Variants in ACCSL observed in about 807,000 individuals in gnomAD.
ACCSL encodes the protein 1-aminocyclopropane-1-carboxylate synthase homolog (inactive) like.
ACCSL carries 55 observed loss-of-function variants against 61.7 expected under a neutral mutation model. The observed-to-expected ratio is 0.89, with a 90% CI of 0.72 to 1.12. ACCSL has a LOEUF of 1.12. ACCSL is among the 50% of genes most tolerant of loss of function. The pLI is 0.00. For missense variants in ACCSL, 632 were observed against 698.0 expected (o/e 0.91, Z 1.07); for synonymous variants, 258 against 264.3 (o/e 0.98, Z 0.23).
chr11:43,987,437 GGGGCTGCAGGGTGGCTGACTCAGAGCCTA>G, the ACCSL span, among the ~76,000 whole-genome samples: 40 of 152,146 alleles, frequency 2.6e-4, no homozygotes, highest in Admixed American at 2.6e-3. Flanking sequence ...GGCGGGGGAC[GGGGCTGCAGGGTGGCTGACTCAGAGCCTA>G]GGGAAGCCCC....
chr11:43,976,684 A>C, the ACCSL span, among the ~76,000 whole-genome samples: 1 of 152,112 alleles, frequency 6.6e-6, no homozygotes, highest in African/African-American at 2.4e-5. Flanking sequence ...AAGGCACAGG[A>C]AGGGTCATCT....
chr11:44,012,549 C>T, the ACCSL span, among the ~76,000 whole-genome samples: 21 of 152,080 alleles, frequency 1.4e-4, no homozygotes, highest in African/African-American at 4.8e-4. Context: ...TGCCACCCAA[C>T]GTGCTGGGAT....
chr11:44,049,999 CA>C, intron 1 of ACCSL, 62 bp from the exon 2 acceptor site: 1 of 1,605,628 alleles, frequency 6.2e-7, no homozygotes, highest in Non-Finnish European at 8.5e-7. Flanking sequence ...ACTAATGTTT[CA>C]AGGGATCTAT....
upstream of ACCSL, among the ~76,000 whole-genome samples, chr11:44,046,923 A>T (rs1025527125): frequency 1.3e-5 from 2 of 152,182 alleles, no homozygotes; most frequent in Admixed American, 1.3e-4. Context: ...TGTTTTCAAA[A>T]GGAAGGTTAA....
In ACCSL at chr11:44,050,641, TAG is replaced by T. The variant is rs763313464; in HGVS notation, c.635+22_635+23del. On this transcript the variant is annotated intron_variant, in intron 3 of 13. Transcript: ENST00000378832. ...AGCCATTGTAAGTGACCTTCAGATT[TAG>T]AGTCTCTTGGTCCCACAGGCAGCTG... is the stretch of plus-strand genomic sequence containing the variant. The T allele has an allele frequency of 1.2e-5, 19 of 1,611,624 alleles. No individual in the cohort carries two copies. Among genetic ancestry groups the T allele is most frequent in the Non-Finnish European group, 1.3e-5 (15 of 1,178,160 alleles).
the ACCSL span, chr11:43,926,381 A>G: frequency 2.8e-6 from 1 of 353,436 alleles, no homozygotes; most frequent in Non-Finnish European, 5.6e-6. Context: ...AGGGTCGCCG[A>G]CCAGGCTCAG....
the ACCSL span, among the ~76,000 whole-genome samples, chr11:43,969,657 C>A: frequency 6.6e-6 from 1 of 152,060 alleles, no homozygotes; most frequent in Non-Finnish European, 1.5e-5. Flanking sequence ...CCCAGCAAGC[C>A]CTGCTGACTT....
chr11:43,968,527 A>G, the ACCSL span, among the ~76,000 whole-genome samples: 1 of 152,188 alleles, frequency 6.6e-6, no homozygotes, highest in Non-Finnish European at 1.5e-5. Flanking sequence ...ATCCAGGAAA[A>G]GAAGAAGATA....
At chr11:44,055,952 A>T in intron 9 of ACCSL, 88 bp from the exon 10 acceptor site, 1 of 1,513,190 alleles carries the variant, frequency 6.6e-7, no homozygotes, top group Non-Finnish European at 9.1e-7. Flanking sequence ...TCTAGGACCA[A>T]CCTCAAATCT....
chr11:43,978,783 G>GTTTT, the ACCSL span, among the ~76,000 whole-genome samples: 139 of 79,096 alleles, frequency 1.8e-3, 4 homozygotes, highest in Non-Finnish European at 2.0e-3. Flanking sequence ...GAGAAGGTGG[G>GTTTT]TTTTTTTTTT....
the ACCSL span, among the ~76,000 whole-genome samples, chr11:44,021,160 G>A: frequency 6.6e-6 from 1 of 152,114 alleles, no homozygotes; most frequent in Non-Finnish European, 1.5e-5. Flanking sequence ...GGATCAAATG[G>A]TAGCTCTAGT....
the ACCSL span, among the ~76,000 whole-genome samples, chr11:43,953,674 C>G: frequency 6.6e-6 from 1 of 152,082 alleles, no homozygotes; most frequent in Non-Finnish European, 1.5e-5. Context: ...CTCAGCGCCA[C>G]AACAGTTTAC....
chr11:44,046,689 GT>G (rs139090482), upstream of ACCSL, among the ~76,000 whole-genome samples: 15 of 152,132 alleles, frequency 9.9e-5, no homozygotes, highest in South Asian at 2.1e-4. Flanking sequence ...GTAGGGGGAT[GT>G]TACTTAGGGG....
At chr11:43,942,897 G>A in the ACCSL span, 4 of 1,359,964 alleles carry the variant, frequency 2.9e-6, no homozygotes, top group South Asian at 6.9e-5. Flanking sequence ...GCAGACGCCG[G>A]AGGCGCCATG....
chr11:43,945,464 G>A, the ACCSL span: 1 of 152,158 alleles, frequency 6.6e-6, no homozygotes, highest in Non-Finnish European at 1.5e-5. Context: ...GGAGCTAGAT[G>A]TCCCAAGTGT....
In ACCSL at chr11:44,052,664, G is replaced by T; in HGVS notation, c.775G>T (p.Ala259Ser). The T allele has an allele frequency of 6.2e-7, 1 of 1,613,932 alleles. No homozygotes were observed. Among genetic ancestry groups the T allele is most frequent in the South Asian group, 1.1e-5 (1 of 91,076 alleles). Residue 259 changes from alanine (A) to serine (S), a missense_variant and splice_region_variant, in exon 6 of 14, where the codon GCC (alanine) becomes TCC (serine). Transcript: ENST00000378832. ...LAMVLCDPGE[A>S]FLVPAPFYGG... ...GCTCTGTCTCTCTGTGTTTCCAGAG[G>T]CCTTCCTGGTCCCTGCTCCCTTCTA...
At chr11:43,943,964 G>T in the ACCSL span, 1 of 866,476 alleles carries the variant, frequency 1.2e-6, no homozygotes, top group Non-Finnish European at 1.6e-6. The surrounding 1 kb of genome is among the most constrained non-coding windows in gnomAD (Gnocchi z 4.8). Flanking sequence ...GGTGGCAGGG[G>T]GATGTCGGAC....
the ACCSL span, among the ~76,000 whole-genome samples, chr11:44,014,495 GAGAGA>G: frequency 9.8e-6 from 1 of 101,550 alleles, no homozygotes; most frequent in Non-Finnish European, 2.0e-5. Flanking sequence ...GAGAGAGAGA[GAGAGA>G]GAGAGAGAGA....
the ACCSL span, among the ~76,000 whole-genome samples, chr11:43,990,812 C>T: frequency 3.9e-5 from 6 of 152,168 alleles, no homozygotes; most frequent in Admixed American, 3.3e-4. Flanking sequence ...TGGCTCACAC[C>T]GTAATCACAG....
Sources: allele counts gnomAD v4.1 joint callset (sites outside exome capture counted in the v4.1 genomes callset), GRCh38; gene constraint gnomAD v4.1.1; non-coding constraint Gnocchi (gnomAD v3.1); transcripts MANE v1.5; gene names NCBI Gene and HGNC (gene_info 2026-07-23, HGNC 2026-07-21).